Variants in NHEJ1 observed in about 807,000 individuals in gnomAD.
NHEJ1 encodes non-homologous end-joining factor 1.
NHEJ1 carries 22 observed loss-of-function variants against 39.4 expected under a neutral mutation model. The observed-to-expected ratio is 0.56, with a 90% confidence interval of 0.40 to 0.80. NHEJ1 has a LOEUF of 0.80. Ranked by LOEUF, NHEJ1 falls within the 30% of genes least tolerant of loss-of-function variation. The pLI is 0.00. For synonymous variants in NHEJ1, 154 were observed against 135.6 expected (o/e 1.14, Z -0.94); for missense variants, 329 against 357.1 (o/e 0.92, Z 0.63).
At chr2:219,109,318 C>T (rs1265352283) in intron 5 of NHEJ1, among the ~76,000 whole-genome samples, 1 of 152,148 alleles carries the variant, frequency 6.6e-6, no homozygotes, top group African/African-American at 2.4e-5. Context: ...TTCCCAGCCC[C>T]AAATGGTCCC....
chr2:219,079,124 G>A (rs6724465), intron 5 of NHEJ1, among the ~76,000 whole-genome samples: 16,405 of 152,238 alleles, frequency 0.11, 908 homozygotes, highest in East Asian at 0.15. Flanking sequence ...GCTGAACTGC[G>A]TTGAGGTAAT....
chr2:219,126,045 T>C, intron 5 of NHEJ1, among the ~76,000 whole-genome samples: 1 of 152,264 alleles, frequency 6.6e-6, no homozygotes, highest in East Asian at 1.9e-4. Flanking sequence ...AACTGTGTCT[T>C]AGCTCATTTC....
intron 5 of NHEJ1, among the ~76,000 whole-genome samples, chr2:219,134,407 T>A (rs981541667): frequency 2.0e-5 from 3 of 152,276 alleles, no homozygotes; most frequent in Non-Finnish European, 4.4e-5. Flanking sequence ...AGCACCTGTG[T>A]CTAGCACACA....
At chr2:219,107,353 T>C (rs549744048) in intron 5 of NHEJ1, among the ~76,000 whole-genome samples, 15 of 152,150 alleles carry the variant, frequency 9.9e-5, no homozygotes, top group Non-Finnish European at 2.1e-4. Context: ...TCAGGGTGTA[T>C]CTGATCAAAA....
intron 5 of NHEJ1, among the ~76,000 whole-genome samples, chr2:219,131,909 G>A (rs1949582536): frequency 6.6e-6 from 1 of 152,200 alleles, no homozygotes; most frequent in Admixed American, 6.5e-5. Flanking sequence ...CTTCCAACAG[G>A]TGTAACACGT....
chr2:219,125,134 A>C (rs532872534), intron 5 of NHEJ1, among the ~76,000 whole-genome samples: 2 of 151,768 alleles, frequency 1.3e-5, no homozygotes, highest in East Asian at 3.9e-4. Flanking sequence ...AAAAAAAAAA[A>C]AACCTAGAGA....
intron 5 of NHEJ1, among the ~76,000 whole-genome samples, chr2:219,133,440 G>A (rs573715878): frequency 2.0e-5 from 3 of 152,338 alleles, no homozygotes; most frequent in African/African-American, 7.2e-5. Flanking sequence ...GGTACCTCCT[G>A]TCTACAAGGC....
chr2:219,123,943 A>G (rs1488422070), intron 5 of NHEJ1, among the ~76,000 whole-genome samples: 1 of 152,266 alleles, frequency 6.6e-6, no homozygotes, highest in Non-Finnish European at 1.5e-5. Flanking sequence ...TATTAGTGCC[A>G]TATAATAAAG....
At chr2:219,159,568 TATATATGCATATATATATGC>T (rs1949903072) in intron 1 of NHEJ1, among the ~76,000 whole-genome samples, 3 of 14,490 alleles carry the variant, frequency 2.1e-4, no homozygotes, top group Non-Finnish European at 1.2e-3. Flanking sequence ...TATATGCATA[TATATATGCATATATATATGC>T]ATATATATAT....
At chr2:219,097,351 G>T (rs532056873) in intron 5 of NHEJ1, among the ~76,000 whole-genome samples, 1 of 152,340 alleles carries the variant, frequency 6.6e-6, no homozygotes, top group Non-Finnish European at 1.5e-5. Context: ...AGGTATTAGA[G>T]CAGAGGCAGA....
chr2:219,079,156 C>T (rs1350518123), intron 5 of NHEJ1, among the ~76,000 whole-genome samples: 3 of 152,136 alleles, frequency 2.0e-5, no homozygotes, highest in Non-Finnish European at 4.4e-5. Context: ...GAACAAAGTG[C>T]GATAAAAATG....
intron 5 of NHEJ1, among the ~76,000 whole-genome samples, chr2:219,106,147 A>G (rs909308284): frequency 6.6e-6 from 1 of 152,228 alleles, no homozygotes; most frequent in Non-Finnish European, 1.5e-5. Context: ...AGATCCCAGG[A>G]CTAGGAGGCA....
chr2:219,136,286 C>CTTTTTT (rs36102678), intron 5 of NHEJ1, among the ~76,000 whole-genome samples: 1 of 125,872 alleles, frequency 7.9e-6, no homozygotes, highest in Non-Finnish European at 1.7e-5. Flanking sequence ...CACTTGGTTT[C>CTTTTTT]TTTTTTTTTT....
intron 5 of NHEJ1, among the ~76,000 whole-genome samples, chr2:219,143,965 C>T (rs900643362): frequency 1.3e-5 from 2 of 152,134 alleles, no homozygotes; most frequent in Non-Finnish European, 2.9e-5. Context: ...CTTTGAAAGG[C>T]CAAGGTGGGC....
At chr2:219,134,790 A>G (rs1949609622) in intron 5 of NHEJ1, among the ~76,000 whole-genome samples, 1 of 152,284 alleles carries the variant, frequency 6.6e-6, no homozygotes, top group African/African-American at 2.4e-5. Flanking sequence ...TGGTAATCCC[A>G]GCACTTTGGG....
intron 5 of NHEJ1, among the ~76,000 whole-genome samples, chr2:219,136,746 G>A (rs182845863): frequency 3.1e-4 from 47 of 151,242 alleles, no homozygotes; most frequent in Non-Finnish European, 3.1e-4. Context: ...GGGATTACAG[G>A]CACCCACCAT....
rs1312445698 is a variant in NHEJ1 at position 219,074,155 on chromosome 2, G to T, written c.*2226C>A. Among the ~76,000 whole-genome samples the T allele has an allele frequency of 6.6e-6, 1 of 152,204 alleles. No homozygotes were observed. Among genetic ancestry groups the T allele is most frequent in the Non-Finnish European group, 1.5e-5 (1 of 68,022 alleles). ...AGACAGCAACCTTTGGGGATGATGGGGGCAGTGGATGGAAGGTTACTAGCT... is the reference window on the plus strand; with the variant it reads ...AGACAGCAACCTTTGGGGATGATGGTGGCAGTGGATGGAAGGTTACTAGCT... On this transcript the variant is annotated 3_prime_UTR_variant, in exon 8 of 8. Coordinates refer to ENST00000356853, the MANE Select transcript of NHEJ1 (RefSeq NM_024782.3).
chr2:219,072,500 AC>A lies in NHEJ1; in HGVS notation c.*3880del, dbSNP rs1185139586. Among the ~76,000 whole-genome samples the A allele has an allele frequency of 1.3e-5, 2 of 152,346 alleles. No homozygotes were observed. Among genetic ancestry groups the A allele is most frequent in the Admixed American group, 6.5e-5 (1 of 15,308 alleles). On this transcript the variant is annotated 3_prime_UTR_variant, in exon 8 of 8. Transcript: ENST00000356853. ...AAAATTAGAAGACAGAAACTACTTC[AC>A]AGTAGAGCTTAGAAAAACATATCCT...
intron 5 of NHEJ1, among the ~76,000 whole-genome samples, chr2:219,081,425 G>T (rs754338880): frequency 2.0e-5 from 3 of 152,174 alleles, no homozygotes; most frequent in Non-Finnish European, 4.4e-5. Flanking sequence ...CACAATGCGG[G>T]TCACTGCCCA....
Sources: allele counts gnomAD v4.1 joint callset (sites outside exome capture counted in the v4.1 genomes callset), GRCh38; gene constraint gnomAD v4.1.1; transcripts MANE v1.5; gene names NCBI Gene and HGNC (gene_info 2026-07-23, HGNC 2026-07-21).